Variants in DLC1 observed in about 807,000 individuals in gnomAD.
The protein encoded by DLC1 is DLC1 Rho GTPase activating protein, also known as rho GTPase-activating protein 7.
In DLC1, 54 loss-of-function variants were observed where a neutral mutation model predicts 140.3. That is an observed-to-expected ratio of 0.38 (90% CI 0.31 to 0.48). The LOEUF is 0.48. Among genes scored for constraint, DLC1 ranks in the 20% least tolerant of loss-of-function variants. DLC1 has a pLI of 0.96. For synonymous variants in DLC1, 986 were observed against 728.1 expected (o/e 1.35, Z -5.70); for missense variants, 2,536 against 1,907.0 (o/e 1.33, Z -6.14).
At chr8:13,502,013 C>T (rs749783624) in intron 1 of DLC1, among the ~76,000 whole-genome samples, 5 of 152,156 alleles carry the variant, frequency 3.3e-5, no homozygotes, top group Non-Finnish European at 7.4e-5. Context: ...TACGATGTCA[C>T]TCCTAAGCCA....
At chr8:13,596,890 G>C (rs912021470) in intron 1 of DLC1, among the ~76,000 whole-genome samples, 11 of 151,884 alleles carry the variant, frequency 7.2e-5, no homozygotes, top group African/African-American at 2.7e-4. Flanking sequence ...TCATACAATT[G>C]TTCTATATTA....
chr8:13,100,848 CATAAT>C, intron 8 of DLC1, 78 bp from the exon 9 acceptor site: 2 of 1,400,934 alleles, frequency 1.4e-6, no homozygotes, highest in Non-Finnish European at 1.9e-6. Context: ...GGAGGCTGCT[CATAAT>C]ATGCCAGTAG....
chr8:13,528,020 T>C (rs966384185), intron 1 of DLC1, among the ~76,000 whole-genome samples: 2 of 152,158 alleles, frequency 1.3e-5, no homozygotes, highest in African/African-American at 4.8e-5. Context: ...TTTTTAAGTG[T>C]AAACATGTTG....
At position 13,509,371 on chromosome 8, in the gene DLC1, A is replaced by T. The variant is rs189346787; in HGVS notation, c.-126+5231T>A. Among the ~76,000 whole-genome samples, 6 of 152,300 alleles carry T rather than the reference A, an allele frequency of 3.9e-5. No homozygotes were observed. In the East Asian group the frequency reaches 1.2e-3, roughly 29 times the overall value. On this transcript the variant is annotated intron_variant, in intron 1 of 17. Transcript: ENST00000276297. Reference sequence around the variant, plus strand: ...AGGAACAAGATGTCATTAGGAACTTAATTACTTCTGTTAGCTTGGTGTCCT... The same window carrying T: ...AGGAACAAGATGTCATTAGGAACTTTATTACTTCTGTTAGCTTGGTGTCCT...
chr8:13,338,303 G>A (rs1420713921), intron 4 of DLC1, among the ~76,000 whole-genome samples: 3 of 152,104 alleles, frequency 2.0e-5, no homozygotes, highest in Non-Finnish European at 4.4e-5. Flanking sequence ...CAAAGCCATG[G>A]TTCGAAAAAA....
At chr8:13,546,896 G>C (rs1189943274) in intron 1 of DLC1, among the ~76,000 whole-genome samples, 2 of 152,070 alleles carry the variant, frequency 1.3e-5, no homozygotes, top group Non-Finnish European at 2.9e-5. Context: ...TCCTGAAGTA[G>C]ACATTTTATG....
intron 5 of DLC1, among the ~76,000 whole-genome samples, chr8:13,222,463 T>A (rs148196840): frequency 6.6e-6 from 1 of 152,244 alleles, no homozygotes; most frequent in Non-Finnish European, 1.5e-5. Context: ...CTAAGTAACA[T>A]ATTATGTTTT....
At position 13,293,625 on chromosome 8, in the gene DLC1, T is replaced by G. The variant is rs6990432; in HGVS notation, c.1348+11644A>C. On this transcript the variant is annotated intron_variant, in intron 5 of 17. Coordinates refer to ENST00000276297, the MANE Select transcript of DLC1 (RefSeq NM_182643.3). ...AAAAAACGAAACGGGAGGTTTCTGC[T>G]TTCAAGGAGCTCTTAGCCTGATATA... 3.3e-3 allele frequency among the ~76,000 whole-genome samples: 488 copies of G among 148,346 alleles called. 4 individuals are homozygous for G. Among genetic ancestry groups the G allele is most frequent in the African/African-American group, 0.01 (420 of 40,466 alleles).
chr8:13,566,779 C>G (rs899215443), intron 1 of DLC1: 11 of 614,414 alleles, frequency 1.8e-5, no homozygotes, highest in African/African-American at 1.7e-4. Context: ...CGCTGGGGAG[C>G]GCGGAGGAAA....
intron 4 of DLC1, among the ~76,000 whole-genome samples, chr8:13,336,374 A>T (rs1833811061): frequency 6.6e-6 from 1 of 152,240 alleles, no homozygotes; most frequent in African/African-American, 2.4e-5. Flanking sequence ...TATTTGTTAC[A>T]CTATATTAAT....
At chr8:13,133,407 G>A in intron 5 of DLC1, 1 of 691,734 alleles carries the variant, frequency 1.4e-6, no homozygotes, top group Non-Finnish European at 1.8e-6. Context: ...TTAGCGACGG[G>A]CTGTTCTCCG....
intron 2 of DLC1, among the ~76,000 whole-genome samples, chr8:13,407,425 A>G (rs1837617262): frequency 6.6e-6 from 1 of 152,146 alleles, no homozygotes; most frequent in Admixed American, 6.5e-5. Context: ...CAGCACACAC[A>G]CAAGGCAGTT....
intron 4 of DLC1, among the ~76,000 whole-genome samples, chr8:13,315,118 C>T (rs1832817494): frequency 6.6e-6 from 1 of 152,124 alleles, no homozygotes; most frequent in African/African-American, 2.4e-5. Flanking sequence ...TGAAGACTAA[C>T]AGAACCTGAT....
chr8:13,318,480 G>A (rs1410802066), intron 4 of DLC1, among the ~76,000 whole-genome samples: 1 of 152,120 alleles, frequency 6.6e-6, no homozygotes, highest in Non-Finnish European at 1.5e-5. Context: ...TGAACCTAGG[G>A]TTTTAACTTA....
At chr8:13,136,659 C>T (rs2128967471) in intron 5 of DLC1, among the ~76,000 whole-genome samples, 1 of 152,276 alleles carries the variant, frequency 6.6e-6, no homozygotes, top group East Asian at 1.9e-4. Flanking sequence ...CTTAGCCTCC[C>T]AAGTAGCTGG....
At chr8:13,154,415 G>A (rs1824088344) in intron 5 of DLC1, among the ~76,000 whole-genome samples, 2 of 152,310 alleles carry the variant, frequency 1.3e-5, no homozygotes, top group South Asian at 2.1e-4. Flanking sequence ...GGGACCCGGC[G>A]CCCCCTCCGC....
rs572447593 is a variant in DLC1 at position 13,455,670 on chromosome 8, A to T, written c.1023+43379T>A. Among the ~76,000 whole-genome samples the T allele has an allele frequency of 7.9e-4, 120 of 152,258 alleles. 3 individuals carry two copies. In the South Asian group the frequency reaches 0.022, roughly 28 times the overall value. The stretch of plus-strand genomic sequence containing the variant: ...TAAAATTAGTTTTTCTCTTTTCAAC[A>T]GTTGTCATTTCACTTAATAGTTGTC... On this transcript the variant is annotated intron_variant, in intron 2 of 17. Transcript: ENST00000276297.
chr8:13,097,005 G>C (rs1337655449), intron 10 of DLC1, among the ~76,000 whole-genome samples: 1 of 152,106 alleles, frequency 6.6e-6, no homozygotes, highest in Admixed American at 6.5e-5. Context: ...ACCCAGATTA[G>C]GTGATATCCA....
rs1804448599 is a variant in DLC1 at position 13,566,805 on chromosome 8, T to C, written c.-126+37732A>G. ...GCGGAGGAAAAGGCGGGACGCCGCA[T>C]GGTGGCCAGTCACTGCGCATGAGCG... On this transcript the variant is annotated intron_variant, in intron 1 of 1. Coordinates refer to the DLC1 transcript ENST00000631382. 11 of 718,200 alleles carry C rather than the reference T, an allele frequency of 1.5e-5. No individual in the cohort carries two copies. In the South Asian group the frequency reaches 2.4e-4, roughly 16 times the overall value. 44.5% of individuals were successfully genotyped at this position (718,200 alleles called of 1,614,324 possible).
Sources: allele counts gnomAD v4.1 joint callset (sites outside exome capture counted in the v4.1 genomes callset), GRCh38; gene constraint gnomAD v4.1.1; transcripts MANE v1.5; gene names NCBI Gene and HGNC (gene_info 2026-07-23, HGNC 2026-07-21).